Variants in KRT8 observed in about 807,000 individuals in gnomAD.
KRT8 encodes keratin 8.
KRT8 carries 24 observed loss-of-function variants against 43.0 expected under a neutral mutation model. The observed-to-expected ratio is 0.56, with a 90% CI of 0.40 to 0.78. KRT8 has a LOEUF of 0.78. Among genes scored for constraint, KRT8 ranks in the 30% least tolerant of loss-of-function variants. The probability of loss-of-function intolerance (pLI) is 0.00; values close to 1 mark genes in which losing one functional copy is unlikely to be tolerated. For synonymous variants in KRT8, 214 were observed against 261.2 expected, an observed-to-expected ratio of 0.82 and a Z score of 1.74; for missense variants, 492 against 638.4, an observed-to-expected ratio of 0.77 and a Z score of 2.47.
chr12:52,915,545 TA>T (rs1941720346), intron 2 of KRT8, among the ~76,000 whole-genome samples: 1 of 150,892 alleles, frequency 6.6e-6, no homozygotes, highest in Admixed American at 6.6e-5. Flanking sequence ...CCATCTGTAC[TA>T]AAAATACAAA....
At chr12:52,919,479 G>C (rs1312201942) in intron 2 of KRT8, among the ~76,000 whole-genome samples, 2 of 151,842 alleles carry the variant, frequency 1.3e-5, no homozygotes, top group Non-Finnish European at 2.9e-5. Flanking sequence ...TGTTGACCAG[G>C]CTGGTCCCAA....
At chr12:52,945,230 C>G (rs1291197788) in intron 2 of KRT8, among the ~76,000 whole-genome samples, 1 of 152,126 alleles carries the variant, frequency 6.6e-6, no homozygotes. Flanking sequence ...TGGGAGGGCC[C>G]CCTGCATGGG....
At chr12:52,919,075 A>C (rs1941833595) in intron 2 of KRT8, among the ~76,000 whole-genome samples, 1 of 152,060 alleles carries the variant, frequency 6.6e-6, no homozygotes, top group Non-Finnish European at 1.5e-5. Context: ...GCATGTAAAA[A>C]TCCGCCATTA....
In KRT8 at chr12:52,901,619, T is replaced by A. The variant is rs118015770; in HGVS notation, c.533+245A>T. 139 of 592,430 alleles carry A rather than the reference T, an allele frequency of 2.3e-4. No homozygotes were observed. The East Asian group carries it at 3.8e-3, about 16-fold the overall frequency. The allele number at this position is 592,430 out of a possible 1,614,324, so 36.7% of individuals were successfully genotyped here. The stretch of plus-strand genomic sequence containing the variant: ...CGTCTCAGGTTTACCATGTCAACAT[T>A]GACACATAATTTGTTCTTCAAATCC... On this transcript the variant is annotated intron_variant, in intron 2 of 7. Transcript: ENST00000692008.
intron 2 of KRT8, among the ~76,000 whole-genome samples, chr12:52,934,052 A>G (rs1229505988): frequency 6.7e-6 from 1 of 149,864 alleles, no homozygotes; most frequent in African/African-American, 2.5e-5. Flanking sequence ...ACATGGTGAA[A>G]CCCGGTCTCT....
chr12:52,910,755 C>T (rs1592170097), upstream of KRT8, among the ~76,000 whole-genome samples: 1 of 152,162 alleles, frequency 6.6e-6, no homozygotes, highest in East Asian at 1.9e-4. Context: ...AGGCATCCTG[C>T]CCACCCCCAC....
In KRT8 at chr12:52,904,729, G is replaced by C. The variant is rs532491388; in HGVS notation, c.253C>G (p.Gln85Glu). 1.9e-6 allele frequency: 3 copies of C among 1,612,828 alleles called. No homozygotes were observed. In the African/African-American group the frequency reaches 4.0e-5, roughly 22 times the overall value. The change falls in exon 1 of 8, where the codon CAG (glutamine) becomes GAG (glutamate). Residue 85 changes from glutamine to glutamate, a missense_variant. Gln to Glu is a conservative substitution (Grantham distance 29). Coordinates refer to ENST00000692008, the Ensembl canonical transcript of KRT8. ...TCCTTCTCCTGGGTGCGCACGGCCTGGATGTTGGGGTCCACCTCCAGGACA... is the reference window on the plus strand; with the variant it reads ...TCCTTCTCCTGGGTGCGCACGGCCTCGATGTTGGGGTCCACCTCCAGGACA...
chr12:52,930,999 G>C (rs1195804831), intron 2 of KRT8, among the ~76,000 whole-genome samples: 1 of 151,794 alleles, frequency 6.6e-6, no homozygotes, highest in Non-Finnish European at 1.5e-5. Context: ...CATCTGGCTA[G>C]CATGTTCTTG....
At chr12:52,904,630 C>G (rs374012246) in intron 1 of KRT8, 28 bp downstream of exon 1, 7 of 1,600,546 alleles carry the variant, frequency 4.4e-6, no homozygotes, top group Non-Finnish European at 6.0e-6. Flanking sequence ...GCTGCGGGCA[C>G]AGTCAGCCAC....
chr12:52,928,966 T>C (rs1942039872), intron 2 of KRT8, among the ~76,000 whole-genome samples: 1 of 152,036 alleles, frequency 6.6e-6, no homozygotes, highest in South Asian at 2.1e-4. Flanking sequence ...ACTACAGCCC[T>C]CTCTCCTTGC....
At chr12:52,913,957 A>C (rs573054418) in intron 2 of KRT8, among the ~76,000 whole-genome samples, 1 of 152,320 alleles carries the variant, frequency 6.6e-6, no homozygotes, top group African/African-American at 2.4e-5. Context: ...GAGGTGGCTC[A>C]TGCCTCTCTA....
At chr12:52,917,639 G>A (rs1941767276) in intron 2 of KRT8, among the ~76,000 whole-genome samples, 1 of 150,938 alleles carries the variant, frequency 6.6e-6, no homozygotes, top group African/African-American at 2.4e-5. Context: ...AACTCGGGAG[G>A]TGAAGTTTGC....
rs71971733 is a variant in KRT8 at position 52,947,700 on chromosome 12, AT to A, written c.-47+1755del. 8.5e-3 allele frequency: 829 copies of A among 97,350 alleles called. 7 individuals carry two copies. Among genetic ancestry groups the A allele is most frequent in the African/African-American group, 0.031 (643 of 20,676 alleles). The allele number at this position is 97,350 out of a possible 1,614,324, so 6.0% of individuals were successfully genotyped here. ...ACCATGTTGGTCAGGCTGGTCTCAA[AT>A]TTTTTTTTTTTTTTTTTTTTTTTGA... On this transcript the variant is annotated intron_variant, in intron 2 of 6. Transcript: ENST00000546826.
At chr12:52,909,329 G>A (rs1364348020), upstream of KRT8, among the ~76,000 whole-genome samples, 1 of 152,178 alleles carries the variant, frequency 6.6e-6, no homozygotes, top group African/African-American at 2.4e-5. Flanking sequence ...TTAAATGATG[G>A]AGCATTTTGA....
At chr12:52,901,072 T>G (rs1941357646) in intron 3 of KRT8, 87 bp downstream of exon 3, 1 of 967,492 alleles carries the variant, frequency 1.0e-6, no homozygotes, top group African/African-American at 1.6e-5. Flanking sequence ...TTAGGAATAT[T>G]TAGGGACAAA....
At chr12:52,907,157 T>G (rs1161085568), upstream of KRT8, 2 of 175,150 alleles carry the variant, frequency 1.1e-5, no homozygotes, top group Non-Finnish European at 2.4e-5. Context: ...AGCACCTATT[T>G]ACACCAGGCC....
intron 2 of KRT8, among the ~76,000 whole-genome samples, chr12:52,931,910 G>T (rs1260776390): frequency 6.6e-6 from 1 of 151,944 alleles, no homozygotes; most frequent in Non-Finnish European, 1.5e-5. Flanking sequence ...TGATCCATCT[G>T]CCTTGGCCTC....
At chr12:52,906,496 G>C (rs1592167779), upstream of KRT8, 1 of 347,104 alleles carries the variant, frequency 2.9e-6, no homozygotes, top group East Asian at 7.7e-5. Context: ...TGAGTCAGGA[G>C]GGCAGGTTGG....
At chr12:52,906,793 G>A (rs2120594390), upstream of KRT8, 5 of 455,838 alleles carry the variant, frequency 1.1e-5, 1 homozygote, top group South Asian at 7.7e-5. Context: ...AGGGAAGGGG[G>A]TGACCACCTA....
Sources: gnomAD v4.1 joint callset for allele counts (sites outside exome capture counted in the v4.1 genomes callset) on GRCh38, gnomAD v4.1.1 for gene constraint, MANE v1.5 for transcripts, NCBI Gene and HGNC (gene_info 2026-07-23, HGNC 2026-07-21) for gene names.